Variants in ASAP1 observed in about 807,000 individuals in gnomAD.
ASAP1 encodes the protein arf-GAP with SH3 domain, ANK repeat and PH domain-containing protein 1.
A neutral mutation model predicts 145.2 loss-of-function variants in ASAP1; 43 were observed. That is an observed-to-expected ratio of 0.30 (90% CI 0.23 to 0.38). ASAP1 has a LOEUF of 0.38. Among genes scored for constraint, ASAP1 ranks in the 10% least tolerant of loss-of-function variants. The probability of loss-of-function intolerance (pLI) is 1.00; values close to 1 mark genes in which losing one functional copy is unlikely to be tolerated. For missense variants in ASAP1, 1,018 were observed against 1,355.3 expected, an observed-to-expected ratio of 0.75 and a Z score of 3.91; for synonymous variants, 546 against 515.5, an observed-to-expected ratio of 1.06 and a Z score of -0.80.
At chr8:130,218,341 T>G (rs1416165406) in intron 4 of ASAP1, among the ~76,000 whole-genome samples, 1 of 152,180 alleles carries the variant, frequency 6.6e-6, no homozygotes, top group Non-Finnish European at 1.5e-5. Flanking sequence ...ATCAAATATT[T>G]CAAGTGAAAA....
intron 5 of ASAP1, among the ~76,000 whole-genome samples, chr8:130,189,307 T>C (rs1814971579): frequency 6.6e-6 from 1 of 152,182 alleles, no homozygotes; most frequent in African/African-American, 2.4e-5. Context: ...TCCCTCTTTA[T>C]TCCCTCCTCC....
rs58907739 is a variant in ASAP1, at chr8:130,072,831, G to GC, written c.2701+3516_2701+3517insG. Among the ~76,000 whole-genome samples, 839 of 110,768 alleles carry GC rather than the reference G, an allele frequency of 7.6e-3. 41 individuals are homozygous for GC. Among genetic ancestry groups the GC allele is most frequent in the African/African-American group, 0.028 (789 of 27,918 alleles). 72.7% of individuals were successfully genotyped at this position (110,768 alleles called of 152,430 possible). ...TGTGTGTGTGTGTGTGTGTGCGCGC[G>GC]GGGGGGGGCAGTTTTGGGGACTGAG... is the stretch of plus-strand genomic sequence containing the variant. On this transcript the variant is annotated intron_variant, in intron 27 of 29. Transcript: ENST00000518721.
intron 3 of ASAP1, among the ~76,000 whole-genome samples, chr8:130,250,109 T>C (rs867733107): frequency 3.3e-5 from 5 of 152,166 alleles, no homozygotes; most frequent in East Asian, 1.9e-4. Context: ...ATTAAAAAGA[T>C]AGGCCATAGT....
chr8:130,285,221 C>A (rs964563439), intron 3 of ASAP1, among the ~76,000 whole-genome samples: 2 of 152,016 alleles, frequency 1.3e-5, no homozygotes, highest in Non-Finnish European at 2.9e-5. Context: ...TTAAGATATA[C>A]CAGTAATGAC....
At chr8:130,218,837 T>C (rs1420205840) in intron 4 of ASAP1, among the ~76,000 whole-genome samples, 1 of 142,726 alleles carries the variant, frequency 7.0e-6, no homozygotes, top group African/African-American at 2.5e-5. Flanking sequence ...AATAACCATG[T>C]AGTCTCTTTC....
intron 3 of ASAP1, among the ~76,000 whole-genome samples, chr8:130,269,314 T>C (rs1408541490): frequency 6.6e-6 from 1 of 152,170 alleles, no homozygotes; most frequent in East Asian, 1.9e-4. Context: ...AGAAGGCCAA[T>C]GCAGATTTCT....
intron 3 of ASAP1, among the ~76,000 whole-genome samples, chr8:130,334,204 C>T (rs1336527189): frequency 6.6e-6 from 1 of 152,072 alleles, no homozygotes; most frequent in Non-Finnish European, 1.5e-5. Context: ...TCCTATAAAC[C>T]ACAAAAAGTT....
At chr8:130,399,492 A>G (rs561259953) in intron 2 of ASAP1, among the ~76,000 whole-genome samples, 14 of 152,320 alleles carry the variant, frequency 9.2e-5, no homozygotes, top group African/African-American at 2.9e-4. Context: ...TAATCCTATA[A>G]TAGAAAAATT....
intron 7 of ASAP1, among the ~76,000 whole-genome samples, chr8:130,183,460 C>T (rs1176536954): frequency 1.3e-5 from 2 of 152,058 alleles, no homozygotes; most frequent in African/African-American, 4.8e-5. Flanking sequence ...CCTGCCTCAG[C>T]CTCCTGAGTA....
intron 15 of ASAP1, among the ~76,000 whole-genome samples, chr8:130,130,203 T>C (rs2097580931): frequency 6.6e-6 from 1 of 152,246 alleles, no homozygotes. Context: ...ATACTCAACC[T>C]GTAGAATCTT....
At chr8:130,251,081 C>G (rs2136857494) in intron 3 of ASAP1, among the ~76,000 whole-genome samples, 1 of 152,174 alleles carries the variant, frequency 6.6e-6, no homozygotes, top group Non-Finnish European at 1.5e-5. Context: ...TTTTGCACAC[C>G]TGCAGAACAA....
In ASAP1 at chr8:130,203,796, TAAAG is replaced by T. The variant is rs1239114875; in HGVS notation, c.405+10756_405+10759del. On this transcript the variant is annotated intron_variant, in intron 5 of 29. Coordinates refer to ENST00000518721, the MANE Select transcript of ASAP1 (RefSeq NM_018482.4). ...TGCAATGTACTTCCAGATCTGGGCC[TAAAG>T]AAAGAGCTCTGGAGGCTTCTGGGAC... is the stretch of plus-strand genomic sequence containing the variant. Among the ~76,000 whole-genome samples, 5 of 152,308 alleles carry T rather than the reference TAAAG, an allele frequency of 3.3e-5. No homozygotes were observed. The East Asian group carries it at 7.7e-4, about 23-fold the overall frequency.
At chr8:130,185,826 C>T (rs1179175006) in intron 7 of ASAP1, among the ~76,000 whole-genome samples, 4 of 151,396 alleles carry the variant, frequency 2.6e-5, no homozygotes, top group African/African-American at 9.7e-5. Context: ...AGCACCTGTA[C>T]CATCTTAGAA....
intron 24 of ASAP1, among the ~76,000 whole-genome samples, chr8:130,108,783 T>G (rs995258524): frequency 3.8e-5 from 5 of 133,056 alleles, no homozygotes; most frequent in Non-Finnish European, 6.4e-5. Flanking sequence ...TTTTTTTTTT[T>G]TTTTTTTTTG....
Position 130,341,411 on chromosome 8 carries a change from G to C in ASAP1, c.186+16606C>G, listed in dbSNP as rs967315263. On this transcript the variant is annotated intron_variant, in intron 3 of 29. Transcript: ENST00000518721. Reference sequence around the variant, plus strand: ...TGCAAGCAGAGCAGTTAATGGCAGAGACTTGGAGACTTGAGGGTCAGACAG... The same window carrying C: ...TGCAAGCAGAGCAGTTAATGGCAGACACTTGGAGACTTGAGGGTCAGACAG... Among the ~76,000 whole-genome samples the C allele has an allele frequency of 9.9e-5, 15 of 152,178 alleles. 1 individual carries two copies. Among genetic ancestry groups the C allele is most frequent in the Admixed American group, 9.8e-4 (15 of 15,278 alleles).
intron 1 of ASAP1, among the ~76,000 whole-genome samples, chr8:130,424,334 G>C (rs1175477929): frequency 6.6e-6 from 1 of 152,178 alleles, no homozygotes; most frequent in African/African-American, 2.4e-5. Flanking sequence ...CTATTGGTCT[G>C]ACGGCCTAGC....
In ASAP1 at chr8:130,214,545, A is replaced by G. The variant is rs1302771233; in HGVS notation, c.405+11T>C. ...CTGTAATTCTTTTTACTCACATATG[A>G]AATGTCTTACCAGATTTTTCAGCAG... On this transcript the variant is annotated intron_variant, in intron 5 of 29. Coordinates refer to ENST00000518721, the MANE Select transcript of ASAP1 (RefSeq NM_018482.4). The G allele has an allele frequency of 2.5e-6, 4 of 1,586,630 alleles. No individual in the cohort carries two copies. Among genetic ancestry groups the G allele is most frequent in the Non-Finnish European group, 3.4e-6 (4 of 1,170,008 alleles).
At chr8:130,395,518 A>C (rs1338410218) in intron 2 of ASAP1, among the ~76,000 whole-genome samples, 1 of 152,202 alleles carries the variant, frequency 6.6e-6, no homozygotes, top group Non-Finnish European at 1.5e-5. Flanking sequence ...TGGAGTGATG[A>C]GGCTGCAAGC....
chr8:130,391,099 C>T lies in ASAP1; in HGVS notation c.59+10786G>A, dbSNP rs138876260. Among the ~76,000 whole-genome samples the T allele has an allele frequency of 9.9e-5, 15 of 152,204 alleles. No individual in the cohort carries two copies. In the East Asian group the frequency reaches 2.5e-3, roughly 25 times the overall value. On this transcript the variant is annotated intron_variant, in intron 2 of 29. Coordinates refer to ENST00000518721, the MANE Select transcript of ASAP1 (RefSeq NM_018482.4). The stretch of plus-strand genomic sequence containing the variant: ...TACATACAATGGAATGTTATTTAGC[C>T]TCAAAAATGAAGGAAATTTTGATAC...
Sources: gnomAD v4.1 joint callset for allele counts (sites outside exome capture counted in the v4.1 genomes callset) on GRCh38, gnomAD v4.1.1 for gene constraint, MANE v1.5 for transcripts, NCBI Gene and HGNC (gene_info 2026-07-23, HGNC 2026-07-21) for gene names.